ARHGAP39: variants seen among roughly 807,000 people sequenced by gnomAD.
ARHGAP39 encodes the protein rho GTPase-activating protein 39.
In ARHGAP39, 44 loss-of-function variants were observed where a neutral mutation model predicts 106.9. That is an observed-to-expected ratio of 0.41 (90% CI 0.32 to 0.53). ARHGAP39 has a LOEUF of 0.53. Ranked by LOEUF, ARHGAP39 falls within the 20% of genes least tolerant of loss-of-function variation. The probability of loss-of-function intolerance (pLI) is 0.21; values close to 1 mark genes in which losing one functional copy is unlikely to be tolerated. For missense variants in ARHGAP39, 1,496 were observed against 1,577.3 expected (o/e 0.95, Z 0.87); for synonymous variants, 768 against 693.2 (o/e 1.11, Z -1.69).
In ARHGAP39 at chr8:144,684,945, T is replaced by G. The variant is rs569299469; in HGVS notation, c.-82+741A>C. ...GCTGCACCGCAGCGCACCGCAGCCCTGCACCCGGGCCGCCCTTCAGGACGC... is the reference window on the plus strand; with the variant it reads ...GCTGCACCGCAGCGCACCGCAGCCCGGCACCCGGGCCGCCCTTCAGGACGC... On this transcript the variant is annotated intron_variant, in intron 1 of 11. Coordinates refer to ENST00000377307, the MANE Select transcript of ARHGAP39 (RefSeq NM_025251.3). The surrounding 1 kb of genome is among the most constrained non-coding windows in gnomAD (Gnocchi z 4.4). 6.6e-6 allele frequency among the ~76,000 whole-genome samples: 1 copy of G among 152,158 alleles called. No individual in the cohort carries two copies. The highest frequency in any genetic ancestry group is 1.5e-5 in the Non-Finnish European group (1 of 67,996).
chr8:144,536,091 G>A (rs1017867465), intron 7 of ARHGAP39, among the ~76,000 whole-genome samples: 3 of 152,136 alleles, frequency 2.0e-5, no homozygotes, highest in Admixed American at 6.5e-5. Context: ...AGTGCCCATC[G>A]CCAGCCCAGG....
intron 3 of ARHGAP39, among the ~76,000 whole-genome samples, chr8:144,558,731 A>G (rs1818035184): frequency 6.6e-6 from 1 of 152,202 alleles, no homozygotes; most frequent in African/African-American, 2.4e-5. Flanking sequence ...CCCATATAAA[A>G]ATAGCTGAGA....
chr8:144,538,215 C>T (rs543495339), intron 6 of ARHGAP39, among the ~76,000 whole-genome samples: 18 of 152,362 alleles, frequency 1.2e-4, no homozygotes, highest in East Asian at 5.8e-4. Flanking sequence ...AACAAGTGGG[C>T]GAAGGCAGCT....
chr8:144,545,098 C>CCACAT, intron 6 of ARHGAP39, 151 bp downstream of exon 6: 1 of 676,468 alleles, frequency 1.5e-6, no homozygotes, highest in East Asian at 3.1e-5. Flanking sequence ...CCAGCAGAGG[C>CCACAT]CCAGAGTGTG....
the ARHGAP39 span, among the ~76,000 whole-genome samples, chr8:144,692,127 C>G: frequency 4.3e-3 from 651 of 152,234 alleles, 4 homozygotes; most frequent in African/African-American, 0.015. Context: ...GTTCTCTCCC[C>G]ACAGCCTTTG....
At chr8:144,564,339 G>A (rs1022376651) in intron 3 of ARHGAP39, among the ~76,000 whole-genome samples, 3 of 152,158 alleles carry the variant, frequency 2.0e-5, no homozygotes, top group East Asian at 1.9e-4. Flanking sequence ...CTTCCGTCTC[G>A]GGACGTGCCA....
At position 144,547,783 on chromosome 8, in the gene ARHGAP39, G is replaced by C. The variant is rs1817511986; in HGVS notation, c.1303C>G (p.Leu435Val). Reference sequence around the variant, plus strand: ...ACGCCCAGGCGCTGGTCCCTCAGCAGGCAGGGGCTGGGCTGCAAGGAGTAC... The same window carrying C: ...ACGCCCAGGCGCTGGTCCCTCAGCACGCAGGGGCTGGGCTGCAAGGAGTAC... ...GSYSLQPSPC[L>V]LRDQRLGVKS... Residue 435 changes from leucine (L) to valine (V), a missense_variant, in exon 5 of 12, where the codon CTG (leucine) becomes GTG (valine). By Grantham distance (32) the Leu-to-Val change is conservative. Around this residue, in one of 4 missense-constraint regions of ARHGAP39, gnomAD observed 905 missense variants for 816.4 expected, o/e 1.11. Coordinates refer to ENST00000377307, the MANE Select transcript of ARHGAP39 (RefSeq NM_025251.3). The surrounding 1 kb of genome is among the most constrained non-coding windows in gnomAD (Gnocchi z 5.2). 5 of 1,597,138 alleles carry C rather than the reference G, an allele frequency of 3.1e-6. No individual in the cohort carries two copies. The highest frequency in any genetic ancestry group is 4.3e-6 in the Non-Finnish European group (5 of 1,176,448).
chr8:144,549,260 C>T (rs960466586), intron 4 of ARHGAP39, among the ~76,000 whole-genome samples: 1 of 152,268 alleles, frequency 6.6e-6, no homozygotes, highest in Non-Finnish European at 1.5e-5. Flanking sequence ...GTGTCCACAG[C>T]CATGCCTGCT....
In ARHGAP39 at chr8:144,548,192, G is replaced by C; in HGVS notation, c.894C>G (p.Asp298Glu). The change falls in exon 5 of 12, where the codon GAC (aspartate) becomes GAG (glutamate). Residue 298 changes from aspartate (D) to glutamate (E), a missense_variant. Coordinates refer to ENST00000377307, the MANE Select transcript of ARHGAP39 (RefSeq NM_025251.3). The surrounding 1 kb of genome is among the most constrained non-coding windows in gnomAD (Gnocchi z 7.4). ...LLAQPRKPSG[D>E]SQPSSPRYGY... ...CATAGCGCGGGGAGGAGGGCTGCGA[G>C]TCCCCGGAGGGCTTTCGGGGCTGGG... is the stretch of plus-strand genomic sequence containing the variant. The C allele has an allele frequency of 6.3e-7, 1 of 1,583,702 alleles. No homozygotes were observed. Among genetic ancestry groups the C allele is most frequent in the Non-Finnish European group, 8.6e-7 (1 of 1,163,968 alleles).
chr8:144,530,698 G>A lies in ARHGAP39; in HGVS notation c.3150+4C>T, dbSNP rs200363762. The A allele has an allele frequency of 5.0e-6, 8 of 1,593,058 alleles. No individual in the cohort carries two copies. In the East Asian group the frequency reaches 1.8e-4, roughly 36 times the overall value. On this transcript the variant is annotated splice_donor_region_variant and intron_variant, in intron 11 of 11. Transcript: ENST00000377307. The stretch of plus-strand genomic sequence containing the variant: ...GCAGCGGGGACCCCCGGGGAGGGAA[G>A]TACCTGCAGGAAGCGGATGAGGTAG...
intron 3 of ARHGAP39, among the ~76,000 whole-genome samples, chr8:144,579,462 G>C (rs1818888381): frequency 6.6e-6 from 1 of 152,088 alleles, no homozygotes; most frequent in Admixed American, 6.6e-5. Context: ...CCACGCCCGA[G>C]CCTCCGCTGC....
chr8:144,606,623 A>AGGAGGAGGTGACGGT (rs1310974991), intron 1 of ARHGAP39, among the ~76,000 whole-genome samples: 1 of 152,024 alleles, frequency 6.6e-6, no homozygotes, highest in Admixed American at 6.6e-5. Flanking sequence ...GAGGAGGAGG[A>AGGAGGAGGTGACGGT]GGAGGAGGTG....
upstream of ARHGAP39, among the ~76,000 whole-genome samples, chr8:144,687,227 AC>A (rs775552698): frequency 2.2e-3 from 21 of 9,416 alleles, no homozygotes; most frequent in Admixed American, 3.1e-3. Context: ...ACCATTTCCC[AC>A]CCCCGTGACC....
At chr8:144,699,167 G>C in the ARHGAP39 span, 1 of 253,342 alleles carries the variant, frequency 3.9e-6, no homozygotes, top group Non-Finnish European at 7.7e-6. Flanking sequence ...GGGGCAGTGA[G>C]GGGCGCTGTG....
rs187663007 is a variant in ARHGAP39 at position 144,587,558 on chromosome 8, C to T, written c.81-6281G>A. ...GCACAGGATAGTCAGAGGACAAAGCCCGGCAGCATGGGACGGGGCCTGGGG... is the reference window on the plus strand; with the variant it reads ...GCACAGGATAGTCAGAGGACAAAGCTCGGCAGCATGGGACGGGGCCTGGGG... On this transcript the variant is annotated intron_variant, in intron 2 of 11. Transcript: ENST00000377307. Among the ~76,000 whole-genome samples, 41 of 152,230 alleles carry T rather than the reference C, an allele frequency of 2.7e-4. 1 individual carries two copies. The East Asian group carries it at 4.2e-3, about 16-fold the overall frequency.
At chr8:144,563,975 A>G (rs966971282) in intron 3 of ARHGAP39, among the ~76,000 whole-genome samples, 2 of 152,240 alleles carry the variant, frequency 1.3e-5, no homozygotes, top group African/African-American at 2.4e-5. Context: ...TGTCTGAATC[A>G]TAAGTAATGT....
chr8:144,692,731 A>G, the ARHGAP39 span, among the ~76,000 whole-genome samples: 1 of 149,008 alleles, frequency 6.7e-6, no homozygotes, highest in African/African-American at 2.5e-5. Context: ...AGAGAAGAAA[A>G]TGTGTATTGT....
intron 1 of ARHGAP39, among the ~76,000 whole-genome samples, chr8:144,627,283 C>T (rs533706995): frequency 1.3e-5 from 2 of 152,308 alleles, no homozygotes; most frequent in South Asian, 2.1e-4. Flanking sequence ...TGGCCGGGCG[C>T]GGTGGCTCAT....
chr8:144,547,552 C>T lies in ARHGAP39; in HGVS notation c.1534G>A (p.Gly512Ser), dbSNP rs1454909970. ...TGCTCCACAAGCAGGTCCCCGGGGC[C>T]CTCAGTGGGGGTGGCGCTGGTGGCT... The part of the protein sequence containing the change: ...CQATSATPTE[G>S]PGDLLVEQPL... The change falls in exon 5 of 12, where the codon GGC (glycine) becomes AGC (serine). Residue 512 changes from glycine to serine, a missense_variant. By Grantham distance (56) the Gly-to-Ser change is moderately conservative. Transcript: ENST00000377307. The surrounding 1 kb of genome is among the most constrained non-coding windows in gnomAD (Gnocchi z 5.2). 1 of 1,474,052 alleles carries T rather than the reference C, an allele frequency of 6.8e-7. No individual in the cohort carries two copies. The highest frequency in any genetic ancestry group is 2.4e-5 in the East Asian group (1 of 41,420). 91.3% of individuals were successfully genotyped at this position (1,474,052 alleles called of 1,614,324 possible). A position where few individuals can be genotyped will look rare whatever the true frequency, so the allele number is the denominator to read the frequency against.
Sources: gnomAD v4.1 joint callset for allele counts (sites outside exome capture counted in the v4.1 genomes callset) on GRCh38, gnomAD v4.1.1 for gene constraint, gnomAD v4.1.1 regional missense constraint, Gnocchi (gnomAD v3.1) non-coding constraint, MANE v1.5 for transcripts, NCBI Gene and HGNC (gene_info 2026-07-23, HGNC 2026-07-21) for gene names.